Variants in ARMC8 observed in about 807,000 individuals in gnomAD.
ARMC8 encodes armadillo repeat-containing protein 8.
A neutral mutation model predicts 99.3 loss-of-function variants in ARMC8; 20 were observed. The ratio of observed to expected loss-of-function variants is 0.20; its 90% CI spans 0.14 to 0.29. The LOEUF is 0.29. Ranked by LOEUF, ARMC8 falls within the 10% of genes least tolerant of loss-of-function variation. The pLI, the probability that ARMC8 is intolerant of heterozygous loss-of-function variation, is 1.00. For synonymous variants in ARMC8, 263 were observed against 278.3 expected (o/e 0.95, Z 0.55); for missense variants, 569 against 809.5 (o/e 0.70, Z 3.60).
At chr3:138,248,478 G>A (rs984233799) in intron 12 of ARMC8, among the ~76,000 whole-genome samples, 2 of 152,182 alleles carry the variant, frequency 1.3e-5, no homozygotes, top group African/African-American at 4.8e-5. Flanking sequence ...TGATTAGGAA[G>A]CAGAAGTCCA....
At chr3:138,249,220 C>G (rs1029720321) in intron 12 of ARMC8, among the ~76,000 whole-genome samples, 2 of 152,242 alleles carry the variant, frequency 1.3e-5, no homozygotes, top group Admixed American at 1.3e-4. Context: ...ACTTTCCTAA[C>G]CTCACTAGCA....
intron 2 of ARMC8, among the ~76,000 whole-genome samples, chr3:138,217,628 C>A (rs1290844095): frequency 6.6e-6 from 1 of 152,100 alleles, no homozygotes; most frequent in Non-Finnish European, 1.5e-5. Context: ...CTTATCAAGT[C>A]CATTTATTAG....
chr3:138,188,643 TAA>T (rs2043208658), intron 1 of ARMC8: 15 of 1,384,988 alleles, frequency 1.1e-5, no homozygotes, highest in Non-Finnish European at 1.5e-5. Context: ...AGTTGGATTA[TAA>T]ATGACTTGTC....
At chr3:138,213,546 C>T (rs1211831428) in intron 2 of ARMC8, among the ~76,000 whole-genome samples, 1 of 152,150 alleles carries the variant, frequency 6.6e-6, no homozygotes, top group Non-Finnish European at 1.5e-5. Flanking sequence ...AGAGGGAAGT[C>T]ACTGTGTAGG....
chr3:138,274,685 CCA>C, intron 18 of ARMC8, 141 bp downstream of exon 18: 1 of 641,438 alleles, frequency 1.6e-6, no homozygotes, highest in Non-Finnish European at 2.7e-6. Context: ...GAAATATCTT[CCA>C]CCATCCCTTA....
chr3:138,224,548 G>A (rs2045583156), intron 5 of ARMC8, among the ~76,000 whole-genome samples: 1 of 152,134 alleles, frequency 6.6e-6, no homozygotes, highest in African/African-American at 2.4e-5. Context: ...CCAGGAGTTC[G>A]AGACCAGCCT....
intron 13 of ARMC8, 59 bp downstream of exon 13, chr3:138,263,880 T>C: frequency 7.0e-7 from 1 of 1,419,140 alleles, no homozygotes; most frequent in East Asian, 2.3e-5. Flanking sequence ...CCTGTTTCCT[T>C]TCTGGTCCTT....
intron 17 of ARMC8, among the ~76,000 whole-genome samples, chr3:138,273,659 A>C (rs1257158563): frequency 6.6e-6 from 1 of 152,184 alleles, no homozygotes; most frequent in Non-Finnish European, 1.5e-5. Flanking sequence ...AAACAATGCA[A>C]GTGGCCTTCA....
chr3:138,293,590 T>C (rs753359061), intron 21 of ARMC8, among the ~76,000 whole-genome samples: 1 of 151,844 alleles, frequency 6.6e-6, no homozygotes, highest in Non-Finnish European at 1.5e-5. Flanking sequence ...CCAAGGCTGC[T>C]GGTCAGATGA....
At chr3:138,274,078 A>G (rs918425728) in intron 17 of ARMC8, among the ~76,000 whole-genome samples, 3 of 152,114 alleles carry the variant, frequency 2.0e-5, no homozygotes, top group Non-Finnish European at 4.4e-5. Context: ...TCGGCCCCCC[A>G]AAGTGCTGGG....
intron 7 of ARMC8, among the ~76,000 whole-genome samples, chr3:138,236,917 CCTT>C (rs2046362584): frequency 6.6e-6 from 1 of 152,246 alleles, no homozygotes; most frequent in Non-Finnish European, 1.5e-5. Context: ...TGTTTCCTCT[CCTT>C]CTGTTCCCTG....
chr3:138,243,838 G>T (rs543160373), intron 11 of ARMC8, among the ~76,000 whole-genome samples: 2 of 152,246 alleles, frequency 1.3e-5, no homozygotes, highest in African/African-American at 4.8e-5. Context: ...TCAAAAGAGG[G>T]TCTCAGAATG....
intron 1 of ARMC8, among the ~76,000 whole-genome samples, chr3:138,200,609 CA>C (rs2043999766): frequency 6.6e-6 from 1 of 152,018 alleles, no homozygotes; most frequent in Non-Finnish European, 1.5e-5. Context: ...GTCATTGTGA[CA>C]GCCAAAATCA....
chr3:138,188,282 A>G, intron 1 of ARMC8: 2 of 849,598 alleles, frequency 2.4e-6, no homozygotes, highest in Non-Finnish European at 3.4e-6. Context: ...TTTTTCTTTA[A>G]GGGGAGTCAA....
intron 1 of ARMC8, among the ~76,000 whole-genome samples, chr3:138,207,572 G>A (rs996351042): frequency 1.3e-5 from 2 of 152,132 alleles, no homozygotes; most frequent in East Asian, 3.8e-4. Context: ...AGGGTCTGAG[G>A]TACTTAGAAC....
intron 12 of ARMC8, among the ~76,000 whole-genome samples, chr3:138,252,211 AAAG>A (rs1370471455): frequency 5.3e-5 from 8 of 152,186 alleles, no homozygotes; most frequent in South Asian, 2.1e-4. Flanking sequence ...GGGGGAATTA[AAAG>A]AAGAATATTT....
chr3:138,249,090 T>C (rs1394395923), intron 12 of ARMC8, among the ~76,000 whole-genome samples: 1 of 152,168 alleles, frequency 6.6e-6, no homozygotes, highest in Non-Finnish European at 1.5e-5. Context: ...AGTTGACACT[T>C]AATAAATAAT....
chr3:138,191,142 AG>A (rs1211316106), intron 1 of ARMC8, among the ~76,000 whole-genome samples: 1 of 152,238 alleles, frequency 6.6e-6, no homozygotes, highest in Non-Finnish European at 1.5e-5. Flanking sequence ...AAATTAATTC[AG>A]AAGTAACACT....
At chr3:138,265,065 T>C (rs2048147673) in intron 14 of ARMC8, among the ~76,000 whole-genome samples, 1 of 151,730 alleles carries the variant, frequency 6.6e-6, no homozygotes, top group Non-Finnish European at 1.5e-5. Context: ...GCCTGGCTAA[T>C]TTTTTTTATT....
Sources: allele counts gnomAD v4.1 joint callset (sites outside exome capture counted in the v4.1 genomes callset), GRCh38; gene constraint gnomAD v4.1.1; transcripts MANE v1.5; gene names NCBI Gene and HGNC (gene_info 2026-07-23, HGNC 2026-07-21).